The following NRXN1 variants were observed in gnomAD, a reference collection of about 807,000 sequenced individuals.
The protein encoded by NRXN1 is neurexin 1.
A neutral mutation model predicts 150.9 loss-of-function variants in NRXN1; 39 were observed. That is an observed-to-expected ratio of 0.26 (90% confidence interval 0.20 to 0.34). NRXN1 has a LOEUF of 0.34. Among genes scored for constraint, NRXN1 ranks in the 10% least tolerant of loss-of-function variants. The pLI is 1.00. For missense variants in NRXN1, 1,815 were observed against 1,949.9 expected (o/e 0.93, Z 1.30); for synonymous variants, 924 against 757.0 (o/e 1.22, Z -3.62).
intron 22 of NRXN1, among the ~76,000 whole-genome samples, chr2:49,935,596 A>T (rs1670891368): frequency 6.6e-6 from 1 of 152,222 alleles, no homozygotes; most frequent in African/African-American, 2.4e-5. Context: ...CTAAAGCCAA[A>T]TGTAGCATTT....
intron 5 of NRXN1, among the ~76,000 whole-genome samples, chr2:50,822,790 T>A (rs1439272218): frequency 6.6e-6 from 1 of 152,138 alleles, no homozygotes; most frequent in Non-Finnish European, 1.5e-5. Context: ...ATGAAAATAA[T>A]AATAATAGAG....
In NRXN1 at chr2:50,493,305, G is replaced by GA. The variant is rs571622377; in HGVS notation, c.3070+2599dup. ...CCAGCAGGCATCCAGGTGGAAAAAA[G>GA]AAAAAAATGCCTCGTTGCTCTTGCT... On this transcript the variant is annotated intron_variant, in intron 15 of 22. Coordinates refer to ENST00000401669, the MANE Select transcript of NRXN1 (RefSeq NM_001330078.2). Among the ~76,000 whole-genome samples, 270 of 151,992 alleles carry GA rather than the reference G, an allele frequency of 1.8e-3. 1 individual carries two copies. Among genetic ancestry groups the GA allele is most frequent in the African/African-American group, 6.3e-3 (260 of 41,458 alleles).
chr2:50,371,596 T>C (rs2080029970), intron 17 of NRXN1, among the ~76,000 whole-genome samples: 1 of 152,046 alleles, frequency 6.6e-6, no homozygotes, highest in Non-Finnish European at 1.5e-5. Context: ...ATTTTTATCC[T>C]GGGATCTACG....
At chr2:50,937,312 C>A (rs1357323669) in intron 2 of NRXN1, among the ~76,000 whole-genome samples, 1 of 152,094 alleles carries the variant, frequency 6.6e-6, no homozygotes, top group Admixed American at 6.6e-5. Flanking sequence ...CAGCTTCTAG[C>A]ACAGTATGTA....
At chr2:50,665,165 T>G (rs1402751010) in intron 5 of NRXN1, among the ~76,000 whole-genome samples, 3 of 151,994 alleles carry the variant, frequency 2.0e-5, no homozygotes. Flanking sequence ...TAAGGTCAGC[T>G]TCTAATTATT....
At chr2:50,120,486 C>T (rs1044454449) in intron 18 of NRXN1, among the ~76,000 whole-genome samples, 1 of 152,088 alleles carries the variant, frequency 6.6e-6, no homozygotes, top group African/African-American at 2.4e-5. Context: ...GTAACTTCAT[C>T]TTCAAAACTT....
intron 19 of NRXN1, among the ~76,000 whole-genome samples, chr2:50,068,547 C>T (rs1161711385): frequency 6.6e-6 from 1 of 152,122 alleles, no homozygotes; most frequent in Non-Finnish European, 1.5e-5. Flanking sequence ...TATTGACTAG[C>T]TGGATCAGTA....
chr2:50,993,279 C>T (rs1296822878), intron 2 of NRXN1, among the ~76,000 whole-genome samples: 5 of 151,732 alleles, frequency 3.3e-5, no homozygotes, highest in Non-Finnish European at 4.4e-5. Flanking sequence ...GAATGGAGAC[C>T]GAAATAATTT....
At chr2:50,915,686 T>C (rs536417661) in intron 5 of NRXN1, among the ~76,000 whole-genome samples, 1 of 151,482 alleles carries the variant, frequency 6.6e-6, no homozygotes, top group South Asian at 2.1e-4. Flanking sequence ...AAAGAAGATA[T>C]TAAGATAATG....
At chr2:50,479,908 G>C (rs1394484051) in intron 15 of NRXN1, among the ~76,000 whole-genome samples, 1 of 151,128 alleles carries the variant, frequency 6.6e-6, no homozygotes, top group African/African-American at 2.4e-5. Flanking sequence ...AGAGTAGCTG[G>C]GATTACAGGT....
intron 22 of NRXN1, among the ~76,000 whole-genome samples, chr2:49,938,942 C>G (rs890118331): frequency 6.6e-6 from 1 of 152,136 alleles, no homozygotes; most frequent in African/African-American, 2.4e-5. Flanking sequence ...CTTCTTGGAA[C>G]TTAAGTGGTT....
At chr2:49,956,350 A>G (rs1249814111) in intron 21 of NRXN1, among the ~76,000 whole-genome samples, 1 of 152,194 alleles carries the variant, frequency 6.6e-6, no homozygotes, top group African/African-American at 2.4e-5. Flanking sequence ...TAGAAAAGGT[A>G]TCAATTTGAA....
At chr2:50,716,136 T>G (rs919435753) in intron 5 of NRXN1, among the ~76,000 whole-genome samples, 1 of 152,188 alleles carries the variant, frequency 6.6e-6, no homozygotes, top group African/African-American at 2.4e-5. Flanking sequence ...CAAACATCTA[T>G]TCCATGCAAC....
intron 21 of NRXN1, among the ~76,000 whole-genome samples, chr2:49,947,816 C>A (rs1572991607): frequency 1.3e-5 from 2 of 152,046 alleles, no homozygotes; most frequent in African/African-American, 4.8e-5. Context: ...ATAATAGTAT[C>A]TATTGTTACA....
chr2:50,108,763 G>A (rs6755305), intron 18 of NRXN1, among the ~76,000 whole-genome samples: 1 of 151,818 alleles, frequency 6.6e-6, no homozygotes, highest in African/African-American at 2.4e-5. Context: ...TCCCAATGAA[G>A]TAAAACAGTT....
At chr2:50,376,917 T>A (rs1028422807) in intron 17 of NRXN1, among the ~76,000 whole-genome samples, 15 of 151,992 alleles carry the variant, frequency 9.9e-5, no homozygotes, top group Admixed American at 6.6e-5. Context: ...CGCTCTGCGC[T>A]TCTGTTCCCA....
chr2:50,013,825 G>T (rs990087416), intron 21 of NRXN1, among the ~76,000 whole-genome samples: 28 of 152,234 alleles, frequency 1.8e-4, no homozygotes, highest in African/African-American at 6.7e-4. Context: ...TCTTATTTTT[G>T]AGATAAAGCA....
chr2:49,979,950 T>C (rs562664891), intron 21 of NRXN1, among the ~76,000 whole-genome samples: 2 of 151,936 alleles, frequency 1.3e-5, no homozygotes, highest in Non-Finnish European at 2.9e-5. Context: ...TTGTTTTTCT[T>C]ACTCTGGTTG....
intron 19 of NRXN1, among the ~76,000 whole-genome samples, chr2:50,079,352 C>G (rs1253820508): frequency 6.6e-6 from 1 of 152,044 alleles, no homozygotes; most frequent in African/African-American, 2.4e-5. Context: ...TATTGGATCA[C>G]AGCCACACCC....
Sources: allele counts gnomAD v4.1 joint callset (sites outside exome capture counted in the v4.1 genomes callset), GRCh38; gene constraint gnomAD v4.1.1; transcripts MANE v1.5; gene names NCBI Gene and HGNC (gene_info 2026-07-23, HGNC 2026-07-21).